The following B3GALT1 variants were observed in gnomAD, a reference collection of about 807,000 sequenced individuals.
B3GALT1 encodes the protein beta-1,3-galactosyltransferase 1, also known as UDP-Gal:betaGlcNAc beta 1,3-galactosyltransferase, polypeptide 1.
Under a neutral mutation model 23.2 loss-of-function variants are expected in B3GALT1, and 10 were observed. The observed-to-expected ratio is 0.43, with a 90% CI of 0.27 to 0.73. B3GALT1 has a LOEUF of 0.73. Among genes scored for constraint, B3GALT1 ranks in the 30% least tolerant of loss-of-function variants. The probability of loss-of-function intolerance (pLI) is 0.21; values close to 1 mark genes in which losing one functional copy is unlikely to be tolerated. For missense variants in B3GALT1, 299 were observed against 405.4 expected, an observed-to-expected ratio of 0.74 and a Z score of 2.25; for synonymous variants, 156 against 141.5, an observed-to-expected ratio of 1.10 and a Z score of -0.73.
At chr2:167,745,945 T>G (rs549261321) in intron 3 of B3GALT1, among the ~76,000 whole-genome samples, 2 of 152,322 alleles carry the variant, frequency 1.3e-5, no homozygotes, top group South Asian at 4.1e-4. Context: ...ATATTATTCT[T>G]CATATCTCTT....
chr2:167,387,507 A>G (rs550120814), intron 1 of B3GALT1, among the ~76,000 whole-genome samples: 1 of 152,338 alleles, frequency 6.6e-6, no homozygotes, highest in Admixed American at 6.5e-5. Flanking sequence ...ACTGAGGGAA[A>G]TTACAAAGGG....
intron 2 of B3GALT1, among the ~76,000 whole-genome samples, chr2:167,592,471 G>A (rs372036035): frequency 2.0e-5 from 3 of 152,308 alleles, no homozygotes; most frequent in East Asian, 3.9e-4. Context: ...ATTTCATTGA[G>A]TATGAAATAG....
At chr2:167,511,929 G>A (rs575767675) in intron 2 of B3GALT1, among the ~76,000 whole-genome samples, 5 of 152,252 alleles carry the variant, frequency 3.3e-5, no homozygotes, top group Admixed American at 2.6e-4. Context: ...TGCCAGGCAC[G>A]GGGAATACAG....
chr2:167,374,078 A>T (rs1002455071), intron 1 of B3GALT1, among the ~76,000 whole-genome samples: 7 of 151,984 alleles, frequency 4.6e-5, no homozygotes, highest in Non-Finnish European at 8.8e-5. Flanking sequence ...TGAGTACCCA[A>T]CGTTTAGCTC....
At chr2:167,616,560 G>T (rs961733695) in intron 2 of B3GALT1, among the ~76,000 whole-genome samples, 1 of 151,936 alleles carries the variant, frequency 6.6e-6, no homozygotes. Context: ...AAATTAGCTG[G>T]GTGTGGTGGT....
At chr2:167,622,794 T>A (rs1193066292) in intron 2 of B3GALT1, among the ~76,000 whole-genome samples, 2 of 152,134 alleles carry the variant, frequency 1.3e-5, no homozygotes, top group African/African-American at 4.8e-5. Context: ...AGCAAAGGTA[T>A]CCTGATGACA....
At chr2:167,759,580 TGAGGGCCA>T (rs1408555926) in intron 3 of B3GALT1, among the ~76,000 whole-genome samples, 6 of 151,920 alleles carry the variant, frequency 3.9e-5, no homozygotes, top group Admixed American at 3.3e-4. Flanking sequence ...AAAGAGAAAA[TGAGGGCCA>T]GAGAAGCCTC....
chr2:167,736,249 A>G (rs1031254925), intron 3 of B3GALT1, among the ~76,000 whole-genome samples: 2 of 152,178 alleles, frequency 1.3e-5, no homozygotes, highest in African/African-American at 4.8e-5. Flanking sequence ...GCCACATTTA[A>G]GAAAAATGAC....
chr2:167,511,582 A>G (rs1272362094), intron 2 of B3GALT1, among the ~76,000 whole-genome samples: 1 of 152,204 alleles, frequency 6.6e-6, no homozygotes, highest in Non-Finnish European at 1.5e-5. Context: ...AAAACAGTCT[A>G]ATACAGAAAA....
At chr2:167,497,561 A>C (rs1699798089) in intron 2 of B3GALT1, among the ~76,000 whole-genome samples, 1 of 152,150 alleles carries the variant, frequency 6.6e-6, no homozygotes, top group Non-Finnish European at 1.5e-5. Context: ...TTGAATTGGG[A>C]CAAAAGAGAT....
In B3GALT1 at chr2:167,662,106, G is replaced by C. The variant is rs1350878613; in HGVS notation, c.-352+15140G>C. Reference sequence around the variant, plus strand: ...AAAAAAGCAGCAAGTTTTTCAGCAAGACAGAGAATTACAACAAAGAGAAAC... The same window carrying C: ...AAAAAAGCAGCAAGTTTTTCAGCAACACAGAGAATTACAACAAAGAGAAAC... On this transcript the variant is annotated intron_variant, in intron 3 of 4. Coordinates refer to ENST00000392690, the MANE Select transcript of B3GALT1 (RefSeq NM_020981.4). Among the ~76,000 whole-genome samples, 13 of 148,752 alleles carry C rather than the reference G, an allele frequency of 8.7e-5. No individual in the cohort carries two copies. The East Asian group carries it at 2.5e-3, about 29-fold the overall frequency.
At position 167,452,432 on chromosome 2, in the gene B3GALT1, T is replaced by C. The variant is rs571353526; in HGVS notation, c.-510-37745T>C. ...TCTCTAAATTTGTCTCAGCTCCAGG[T>C]AATGTCAAATCCTTCTCCTGTGATC... On this transcript the variant is annotated intron_variant, in intron 1 of 4. Coordinates refer to ENST00000392690, the MANE Select transcript of B3GALT1 (RefSeq NM_020981.4). Among the ~76,000 whole-genome samples, 6 of 152,292 alleles carry C rather than the reference T, an allele frequency of 3.9e-5. No individual in the cohort carries two copies. In the South Asian group the frequency reaches 1.2e-3, roughly 32 times the overall value.
chr2:167,726,369 G>A (rs1264948428), intron 3 of B3GALT1, among the ~76,000 whole-genome samples: 1 of 151,996 alleles, frequency 6.6e-6, no homozygotes, highest in Non-Finnish European at 1.5e-5. Flanking sequence ...CCAGGAATCC[G>A]CCCACCTGCC....
At chr2:167,480,327 T>C (rs934485905) in intron 1 of B3GALT1, among the ~76,000 whole-genome samples, 1 of 152,000 alleles carries the variant, frequency 6.6e-6, no homozygotes, top group African/African-American at 2.4e-5. Flanking sequence ...ACTAAACTCC[T>C]CCCATGCCTA....
chr2:167,627,141 T>G (rs532612848), intron 2 of B3GALT1, among the ~76,000 whole-genome samples: 41 of 151,826 alleles, frequency 2.7e-4, no homozygotes, highest in Non-Finnish European at 4.9e-4. Flanking sequence ...AATTCAAGTT[T>G]ATCTAATCTA....
chr2:167,442,834 A>T, intron 1 of B3GALT1, among the ~76,000 whole-genome samples: 1 of 140,378 alleles, frequency 7.1e-6, no homozygotes, highest in African/African-American at 2.8e-5. Context: ...TTGCCTGTTC[A>T]CTCTGATGGT....
chr2:167,682,176 A>G (rs577847515), intron 3 of B3GALT1, among the ~76,000 whole-genome samples: 37 of 152,108 alleles, frequency 2.4e-4, no homozygotes, highest in African/African-American at 7.5e-4. Flanking sequence ...CTCCCTGTCT[A>G]TTCCCGGCTA....
At chr2:167,676,469 T>TTA (rs201675808) in intron 3 of B3GALT1, among the ~76,000 whole-genome samples, 17 of 147,624 alleles carry the variant, frequency 1.2e-4, no homozygotes, top group East Asian at 5.9e-4. Context: ...CCATCTAACC[T>TTA]TATATATATA....
intron 2 of B3GALT1, among the ~76,000 whole-genome samples, chr2:167,642,190 C>T (rs567494449): frequency 6.6e-6 from 1 of 152,130 alleles, no homozygotes; most frequent in Non-Finnish European, 1.5e-5. Flanking sequence ...CAACTACTCC[C>T]TGGGTTTATC....
Sources: gnomAD v4.1 joint callset for allele counts (sites outside exome capture counted in the v4.1 genomes callset) on GRCh38, gnomAD v4.1.1 for gene constraint, MANE v1.5 for transcripts, NCBI Gene and HGNC (gene_info 2026-07-23, HGNC 2026-07-21) for gene names.